Variants in PTPRD observed in about 807,000 individuals in gnomAD.
The protein encoded by PTPRD is receptor-type tyrosine-protein phosphatase delta.
Under a neutral mutation model 214.5 loss-of-function variants are expected in PTPRD, and 34 were observed. The observed-to-expected ratio is 0.16, with a 90% CI of 0.12 to 0.21. The LOEUF (loss-of-function observed/expected upper bound fraction) is 0.21, where lower values mean the gene tolerates loss of function less well. Ranked by LOEUF, PTPRD falls within the 10% of genes least tolerant of loss-of-function variation. PTPRD has a pLI of 1.00. For missense variants in PTPRD, 2,545 were observed against 2,398.7 expected (o/e 1.06, Z -1.27); for synonymous variants, 1,128 against 845.7 (o/e 1.33, Z -5.79).
chr9:9,980,522 C>A (rs1031276109), intron 4 of PTPRD, among the ~76,000 whole-genome samples: 1 of 141,168 alleles, frequency 7.1e-6, no homozygotes, highest in Non-Finnish European at 1.5e-5. Context: ...GTCGGAGAAT[C>A]GCTTGAACCC....
At chr9:10,430,965 T>A (rs2098671981) in intron 2 of PTPRD, among the ~76,000 whole-genome samples, 1 of 152,000 alleles carries the variant, frequency 6.6e-6, no homozygotes, top group African/African-American at 2.4e-5. Flanking sequence ...AAATTAAAAC[T>A]TCTTTATATA....
intron 2 of PTPRD, among the ~76,000 whole-genome samples, chr9:10,481,229 A>G (rs1283786396): frequency 6.6e-6 from 1 of 152,206 alleles, no homozygotes; most frequent in African/African-American, 2.4e-5. Context: ...TATCAAGCCA[A>G]TGAATGTCAT....
chr9:9,586,679 G>T (rs1280579760), intron 7 of PTPRD, among the ~76,000 whole-genome samples: 5 of 151,846 alleles, frequency 3.3e-5, no homozygotes, highest in Non-Finnish European at 7.4e-5. Context: ...TGCTAAATAG[G>T]TTGGACATTG....
intron 7 of PTPRD, among the ~76,000 whole-genome samples, chr9:9,590,345 T>C (rs1289747834): frequency 6.6e-6 from 1 of 151,984 alleles, no homozygotes; most frequent in Non-Finnish European, 1.5e-5. Context: ...GCTTAACACA[T>C]AGTGGGTACT....
chr9:8,911,417 G>T (rs13283331), intron 11 of PTPRD, among the ~76,000 whole-genome samples: 47,495 of 120,214 alleles, frequency 0.4, 8,609 homozygotes, highest in Non-Finnish European at 0.5. Flanking sequence ...TGTGTGTGTT[G>T]TGTGTGTGTG....
At chr9:9,797,058 A>C (rs1164645936) in intron 5 of PTPRD, among the ~76,000 whole-genome samples, 1 of 152,164 alleles carries the variant, frequency 6.6e-6, no homozygotes, top group African/African-American at 2.4e-5. Flanking sequence ...TCTGAGAGCA[A>C]AGACAGTGGT....
At chr9:10,372,141 A>G (rs2097638348) in intron 2 of PTPRD, among the ~76,000 whole-genome samples, 1 of 152,100 alleles carries the variant, frequency 6.6e-6, no homozygotes. Context: ...AATTTTTAAA[A>G]CAGACTTTAG....
At chr9:8,596,336 G>A (rs2094474960) in intron 14 of PTPRD, among the ~76,000 whole-genome samples, 1 of 151,820 alleles carries the variant, frequency 6.6e-6, no homozygotes. Context: ...AAATAAATTA[G>A]CAAGTGGACA....
intron 3 of PTPRD, among the ~76,000 whole-genome samples, chr9:10,228,663 A>T (rs1297779655): frequency 6.6e-6 from 1 of 151,414 alleles, no homozygotes; most frequent in Non-Finnish European, 1.5e-5. Flanking sequence ...TGATTAAAAG[A>T]GGGTAATTTT....
intron 8 of PTPRD, among the ~76,000 whole-genome samples, chr9:9,440,186 C>T (rs770525287): frequency 1.3e-5 from 2 of 152,144 alleles, no homozygotes; most frequent in Non-Finnish European, 2.9e-5. Context: ...AATGTTATTG[C>T]ATAAATTCCT....
chr9:10,011,323 A>G (rs1260877116), intron 4 of PTPRD, among the ~76,000 whole-genome samples: 1 of 151,954 alleles, frequency 6.6e-6, no homozygotes, highest in Non-Finnish European at 1.5e-5. Flanking sequence ...AATTGTTTCC[A>G]ATTTTCTTTT....
chr9:9,397,551 A>G (rs1462177802), intron 8 of PTPRD, 69 bp from the exon 9 acceptor site: 1 of 152,446 alleles, frequency 6.6e-6, no homozygotes, highest in Non-Finnish European at 1.5e-5. Context: ...AATTGTCTTC[A>G]AACACATGTT....
intron 10 of PTPRD, among the ~76,000 whole-genome samples, chr9:9,084,960 A>T (rs2099764851): frequency 6.6e-6 from 1 of 152,204 alleles, no homozygotes; most frequent in Non-Finnish European, 1.5e-5. Flanking sequence ...TTTTTAGCAC[A>T]GACAGGGAAA....
chr9:10,058,684 G>A (rs916697635), intron 3 of PTPRD, among the ~76,000 whole-genome samples: 1 of 152,046 alleles, frequency 6.6e-6, no homozygotes, highest in Non-Finnish European at 1.5e-5. Context: ...AGAGACAATA[G>A]CTTCTCATAT....
intron 9 of PTPRD, among the ~76,000 whole-genome samples, chr9:9,318,143 C>A (rs1468501431): frequency 6.6e-6 from 1 of 151,378 alleles, no homozygotes; most frequent in Non-Finnish European, 1.5e-5. Flanking sequence ...TGCACTCCAG[C>A]CTGGGCAACA....
chr9:9,876,386 G>C (rs115683637), intron 5 of PTPRD, among the ~76,000 whole-genome samples: 1 of 152,208 alleles, frequency 6.6e-6, no homozygotes, highest in East Asian at 1.9e-4. Context: ...CATGCATTTA[G>C]AAATTTTGGC....
intron 11 of PTPRD, among the ~76,000 whole-genome samples, chr9:8,752,616 G>C (rs937688665): frequency 6.6e-6 from 1 of 152,090 alleles, no homozygotes; most frequent in Non-Finnish European, 1.5e-5. Context: ...TCTGGATCGG[G>C]ACCCCTTTCC....
chr9:8,815,971 A>C (rs188304985), intron 11 of PTPRD, among the ~76,000 whole-genome samples: 1 of 152,202 alleles, frequency 6.6e-6, no homozygotes, highest in Non-Finnish European at 1.5e-5. Context: ...TTTGTACACA[A>C]TTGCTGTGCT....
chr9:10,151,411 T>C (rs1264497371), intron 3 of PTPRD, among the ~76,000 whole-genome samples: 2 of 151,612 alleles, frequency 1.3e-5, no homozygotes, highest in African/African-American at 2.4e-5. Context: ...TACAGGCACA[T>C]GCCACCACGC....
Sources: gnomAD v4.1 joint callset for allele counts (sites outside exome capture counted in the v4.1 genomes callset) on GRCh38, gnomAD v4.1.1 for gene constraint, MANE v1.5 for transcripts, NCBI Gene and HGNC (gene_info 2026-07-23, HGNC 2026-07-21) for gene names.